Variants in CR1 observed in about 807,000 individuals in gnomAD.
CR1 encodes complement C3b/C4b receptor 1 (Knops blood group).
A neutral mutation model predicts 187.3 loss-of-function variants in CR1; 116 were observed. The observed-to-expected ratio is 0.62, with a 90% CI of 0.53 to 0.72. The LOEUF (loss-of-function observed/expected upper bound fraction) is 0.72, where lower values mean the gene tolerates loss of function less well. Ranked by LOEUF, CR1 falls within the 30% of genes least tolerant of loss-of-function variation. CR1 has a pLI of 0.00. For missense variants in CR1, 1,731 were observed against 2,110.7 expected (o/e 0.82, Z 3.52); for synonymous variants, 576 against 747.1 (o/e 0.77, Z 3.73).
chr1:207,594,078 T>C (rs926470545), intron 35 of CR1, among the ~76,000 whole-genome samples: 8 of 152,162 alleles, frequency 5.3e-5, no homozygotes, highest in African/African-American at 1.9e-4. Flanking sequence ...AGAAATACCA[T>C]TTGACCCAGC....
chr1:207,614,688 C>T (rs1662043960), intron 40 of CR1, among the ~76,000 whole-genome samples, 199 bp downstream of exon 40: 2 of 152,134 alleles, frequency 1.3e-5, no homozygotes. Context: ...CTGCAAATCA[C>T]TTAGTTTAAT....
intron 23 of CR1, 75 bp from the exon 24 acceptor site, chr1:207,565,763 G>T: frequency 6.3e-6 from 10 of 1,591,858 alleles, no homozygotes; most frequent in Non-Finnish European, 8.6e-6. Flanking sequence ...TGAAATTGGG[G>T]CTGGGCCTTA....
intron 40 of CR1, among the ~76,000 whole-genome samples, chr1:207,615,489 C>T (rs141985087): frequency 6.6e-5 from 10 of 152,218 alleles, no homozygotes; most frequent in African/African-American, 1.4e-4. Context: ...AAACCATCCG[C>T]TTAAATAAAA....
chr1:207,614,542 A>C, intron 40 of CR1, 53 bp downstream of exon 40: 2 of 1,477,548 alleles, frequency 1.4e-6, no homozygotes, highest in East Asian at 4.7e-5. Flanking sequence ...TTCGTTTTCC[A>C]GCATGTTTTT....
intron 39 of CR1, among the ~76,000 whole-genome samples, chr1:207,613,383 G>A (rs1475689702): frequency 6.6e-6 from 1 of 152,144 alleles, no homozygotes; most frequent in Non-Finnish European, 1.5e-5. Context: ...GGGCACAACA[G>A]TGTAAAAAAC....
At chr1:207,565,005 A>T (rs1337192364) in intron 23 of CR1, among the ~76,000 whole-genome samples, 1 of 150,262 alleles carries the variant, frequency 6.7e-6, no homozygotes, top group Non-Finnish European at 1.5e-5. Flanking sequence ...TCAGTCATAT[A>T]TCTTCTGGCT....
intron 40 of CR1, among the ~76,000 whole-genome samples, chr1:207,616,304 TAAAAAC>T (rs1662093779): frequency 6.6e-6 from 1 of 152,150 alleles, no homozygotes; most frequent in Non-Finnish European, 1.5e-5. Context: ...TTAAAAAAAA[TAAAAAC>T]AATTACTTTC....
rs1199161799 is a variant in CR1, at chr1:207,510,746, T to TTCCTTCCTTCCTTCCTTCCTTCCTTCC, written c.402-822_402-821insCCTTCCTTCCTTCCTTCCTTCCTTCCT. Among the ~76,000 whole-genome samples the TTCCTTCCTTCCTTCCTTCCTTCCTTCC allele has an allele frequency of 4.6e-3, 690 of 148,546 alleles. 19 individuals carry two copies. The highest frequency in any genetic ancestry group is 0.012 in the South Asian group (56 of 4,550). Reference sequence around the variant, plus strand: ...ATCCCCTTCCTTCCTTCCTTCCTTCTTTCCTTCCTTCCTTCCTTCCTCCCT... The same window carrying TTCCTTCCTTCCTTCCTTCCTTCCTTCC: ...ATCCCCTTCCTTCCTTCCTTCCTTCTTCCTTCCTTCCTTCCTTCCTTCCTTCCTTCCTTCCTTCCTTCCTTCCTCCCT... On this transcript the variant is annotated intron_variant, in intron 3 of 46. Coordinates refer to ENST00000367049, the MANE Select transcript of CR1 (RefSeq NM_000651.6).
chr1:207,525,993 T>C (rs1660156474), intron 5 of CR1, among the ~76,000 whole-genome samples: 1 of 152,150 alleles, frequency 6.6e-6, no homozygotes, highest in Non-Finnish European at 1.5e-5. Flanking sequence ...TTATGTAATT[T>C]AGTTGAGATC....
chr1:207,576,884 T>C (rs551998874), intron 28 of CR1, among the ~76,000 whole-genome samples: 1 of 152,236 alleles, frequency 6.6e-6, no homozygotes, highest in Non-Finnish European at 1.5e-5. Flanking sequence ...GCAAATGCCT[T>C]CTATATAGAG....
At chr1:207,587,258 A>G in intron 33 of CR1, 128 bp from the exon 34 acceptor site, 1 of 791,166 alleles carries the variant, frequency 1.3e-6, no homozygotes, top group Non-Finnish European at 1.9e-6. Flanking sequence ...AAGGAGAAGA[A>G]AATCTTTTGC....
intron 46 of CR1, 140 bp downstream of exon 46, chr1:207,630,761 CT>C (rs201854232): frequency 7.4e-3 from 3,182 of 432,622 alleles, no homozygotes; most frequent in South Asian, 0.013. Flanking sequence ...TTGGAAACTT[CT>C]TTTTTTTTTA....
chr1:207,509,230 G>A (rs1027918841), intron 3 of CR1, among the ~76,000 whole-genome samples: 12 of 152,170 alleles, frequency 7.9e-5, no homozygotes, highest in Non-Finnish European at 1.6e-4. Flanking sequence ...CAAAAGTCTA[G>A]ACATGTTCAC....
intron 34 of CR1, 149 bp downstream of exon 34, chr1:207,587,714 C>T: frequency 1.6e-6 from 1 of 609,144 alleles, no homozygotes; most frequent in Non-Finnish European, 2.8e-6. Context: ...GCCTGGGCAA[C>T]ATGGCCAAAC....
At chr1:207,496,787 T>G (rs144834436) in intron 1 of CR1, among the ~76,000 whole-genome samples, 281 of 152,266 alleles carry the variant, frequency 1.8e-3, no homozygotes, top group African/African-American at 6.6e-3. Flanking sequence ...CCTAGAAACT[T>G]AACTGTGAGG....
chr1:207,496,526 G>A (rs779219089), intron 1 of CR1, 138 bp downstream of exon 1: 5 of 860,986 alleles, frequency 5.8e-6, no homozygotes, highest in African/African-American at 1.8e-5. Context: ...GGCTGAGCGC[G>A]CGACCCGGCA....
chr1:207,525,268 C>A (rs1280525398), intron 5 of CR1, among the ~76,000 whole-genome samples: 1 of 151,470 alleles, frequency 6.6e-6, no homozygotes, highest in Non-Finnish European at 1.5e-5. Context: ...CAAATCATAT[C>A]GCAGCTAATA....
At chr1:207,519,829 A>G (rs1381407314) in intron 4 of CR1, among the ~76,000 whole-genome samples, 2 of 152,208 alleles carry the variant, frequency 1.3e-5, no homozygotes, top group African/African-American at 4.8e-5. Flanking sequence ...CCGATTGGTT[A>G]TAGCTCAGCG....
chr1:207,610,890 G>A (rs377313715), intron 37 of CR1, among the ~76,000 whole-genome samples: 1 of 152,086 alleles, frequency 6.6e-6, no homozygotes, highest in African/African-American at 2.4e-5. Flanking sequence ...TAATCATGGA[G>A]AATGAGGTAT....
Sources: gnomAD v4.1 joint callset for allele counts (sites outside exome capture counted in the v4.1 genomes callset) on GRCh38, gnomAD v4.1.1 for gene constraint, MANE v1.5 for transcripts, NCBI Gene and HGNC (gene_info 2026-07-23, HGNC 2026-07-21) for gene names.